The following MYOM1 variants were observed in gnomAD, a reference collection of about 807,000 sequenced individuals.
MYOM1 encodes myomesin-1.
Under a neutral mutation model 205.3 loss-of-function variants are expected in MYOM1, and 164 were observed. The observed-to-expected ratio is 0.80, with a 90% confidence interval of 0.70 to 0.91. The LOEUF (loss-of-function observed/expected upper bound fraction) is 0.91, where lower values mean the gene tolerates loss of function less well. Ranked by LOEUF, MYOM1 falls within the 40% of genes least tolerant of loss-of-function variation. The pLI is 0.00. For synonymous variants in MYOM1, 772 were observed against 789.4 expected (o/e 0.98, Z 0.37); for missense variants, 2,011 against 2,127.3 (o/e 0.95, Z 1.08).
intron 23 of MYOM1, among the ~76,000 whole-genome samples, chr18:3,101,711 G>A (rs112594465): frequency 8.5e-4 from 129 of 152,198 alleles, no homozygotes; most frequent in African/African-American, 2.9e-3. Context: ...GTTACTTTAA[G>A]ATTTCAAAAT....
chr18:3,165,449 T>A (rs1016032706), intron 9 of MYOM1, among the ~76,000 whole-genome samples: 26 of 151,920 alleles, frequency 1.7e-4, no homozygotes, highest in African/African-American at 5.6e-4. Flanking sequence ...GTCTTCCTTG[T>A]TAATAATAGG....
intron 18 of MYOM1, among the ~76,000 whole-genome samples, chr18:3,128,346 C>G (rs2079824888): frequency 6.6e-6 from 1 of 152,122 alleles, no homozygotes; most frequent in Non-Finnish European, 1.5e-5. Context: ...GAAAAAAGAA[C>G]TGGATGAGAG....
At chr18:3,194,909 T>TAA (rs5822742) in intron 2 of MYOM1, among the ~76,000 whole-genome samples, 11,179 of 147,244 alleles carry the variant, frequency 0.076, 543 homozygotes, top group African/African-American at 0.13. Flanking sequence ...AAACTATTCT[T>TAA]AAAAAAAAAA....
At position 3,071,864 on chromosome 18, in the gene MYOM1, G is replaced by A; in HGVS notation, c.4734C>T (p.Leu1578=). ...CCTCCTGGATGGTGACCACGTCTGG[G>A]AGACCTCCCAACACCCGGGCACGAT... ...EKNRARVLGG[L]PDVVTIQEGK... Residue 1578 remains leucine (L), a synonymous_variant, in exon 37 of 38, where the codon CTC becomes CTT. Coordinates refer to ENST00000356443, the MANE Select transcript of MYOM1 (RefSeq NM_003803.4). 2 of 1,605,716 alleles carry A rather than the reference G, an allele frequency of 1.2e-6. No individual in the cohort carries two copies. The highest frequency in any genetic ancestry group is 1.7e-6 in the Non-Finnish European group (2 of 1,176,134).
At chr18:3,093,883 A>T (rs1163810738) in intron 26 of MYOM1, among the ~76,000 whole-genome samples, 1 of 152,108 alleles carries the variant, frequency 6.6e-6, no homozygotes, top group Non-Finnish European at 1.5e-5. Context: ...GCCTCCCAGG[A>T]GAGCCTCTCT....
chr18:3,150,979 C>CTTTT (rs1164882266), intron 12 of MYOM1, among the ~76,000 whole-genome samples: 2 of 55,916 alleles, frequency 3.6e-5, no homozygotes, highest in African/African-American at 7.2e-5. Flanking sequence ...CCATGCCTGG[C>CTTTT]TTTTTTTTTT....
Position 3,135,130 on chromosome 18 carries a change from A to G in MYOM1, c.2210-306T>C, listed in dbSNP as rs940821301. 2.1e-5 allele frequency: 7 copies of G among 340,152 alleles called. No individual in the cohort carries two copies. The highest frequency in any genetic ancestry group is 4.1e-5 in the Admixed American group (1 of 24,384). 21.1% of individuals were successfully genotyped at this position (340,152 alleles called of 1,614,324 possible). A position where few individuals can be genotyped will look rare whatever the true frequency, so the allele number is the denominator to read the frequency against. On this transcript the variant is annotated intron_variant, in intron 15 of 37. Coordinates refer to ENST00000356443, the MANE Select transcript of MYOM1 (RefSeq NM_003803.4). The surrounding 1 kb of genome is among the most constrained non-coding windows in gnomAD (Gnocchi z 4.1). Reference sequence around the variant, plus strand: ...ACGCCTGGCTAATTTTTGTGTTTTCAGTAGAGATGGGGTTTCACCATGTTG... The same window carrying G: ...ACGCCTGGCTAATTTTTGTGTTTTCGGTAGAGATGGGGTTTCACCATGTTG...
At chr18:3,095,360 G>T (rs1193767408) in intron 25 of MYOM1, among the ~76,000 whole-genome samples, 2 of 152,144 alleles carry the variant, frequency 1.3e-5, no homozygotes, top group African/African-American at 4.8e-5. Context: ...CTTGAGGTCA[G>T]AAGTTCGAGA....
At chr18:3,163,806 C>T (rs2080429619) in intron 10 of MYOM1, among the ~76,000 whole-genome samples, 1 of 151,210 alleles carries the variant, frequency 6.6e-6, no homozygotes, top group South Asian at 2.1e-4. Flanking sequence ...GCAAGAATTT[C>T]CTTTTTCTTT....
At chr18:3,074,771 T>C (rs1369833337) in intron 36 of MYOM1, among the ~76,000 whole-genome samples, 2 of 152,220 alleles carry the variant, frequency 1.3e-5, no homozygotes, top group African/African-American at 2.4e-5. Context: ...GTGAATTACT[T>C]GATATCAAAT....
intron 37 of MYOM1, among the ~76,000 whole-genome samples, chr18:3,071,410 G>A (rs1041387390): frequency 2.6e-5 from 4 of 152,130 alleles, no homozygotes; most frequent in Admixed American, 6.5e-5. Context: ...CTGGGCTGGA[G>A]TGCAGTGGCA....
At chr18:3,197,916 C>G (rs74253189) in intron 2 of MYOM1, among the ~76,000 whole-genome samples, 1 of 152,070 alleles carries the variant, frequency 6.6e-6, no homozygotes, top group Non-Finnish European at 1.5e-5. Flanking sequence ...CTATTTCGTT[C>G]TATACTCCAA....
Position 3,133,209 on chromosome 18 carries a change from A to G in MYOM1, c.2384+1441T>C, listed in dbSNP as rs974952032. On this transcript the variant is annotated intron_variant, in intron 16 of 37. Transcript: ENST00000356443. ...CCAACAGGCTAAATGAATCTCTTGC[A>G]AAACATATTGCCTTCCCTAATTAAT... Among the ~76,000 whole-genome samples the G allele has an allele frequency of 2.6e-5, 4 of 152,172 alleles. No homozygotes were observed. In the East Asian group the frequency reaches 7.7e-4, roughly 29 times the overall value.
chr18:3,120,605 G>A (rs544794324), intron 19 of MYOM1, among the ~76,000 whole-genome samples: 1 of 152,300 alleles, frequency 6.6e-6, no homozygotes, highest in African/African-American at 2.4e-5. Flanking sequence ...CTGCAACGCC[G>A]TGCGCAGACC....
intron 23 of MYOM1, among the ~76,000 whole-genome samples, chr18:3,101,588 T>C (rs2079376691): frequency 6.6e-6 from 1 of 152,210 alleles, no homozygotes; most frequent in African/African-American, 2.4e-5. Flanking sequence ...CATGTACTAT[T>C]GTGTCACGCA....
At chr18:3,072,333 T>A (rs922019881) in intron 36 of MYOM1, among the ~76,000 whole-genome samples, 1 of 131,050 alleles carries the variant, frequency 7.6e-6, no homozygotes, top group African/African-American at 3.0e-5. Flanking sequence ...ACAGCAGGCG[T>A]GAGCCACCGC....
intron 33 of MYOM1, among the ~76,000 whole-genome samples, chr18:3,082,016 T>C (rs949735139): frequency 8.5e-5 from 13 of 152,148 alleles, no homozygotes; most frequent in Admixed American, 8.5e-4. Flanking sequence ...TGGGGATGAC[T>C]CAAGCACATA....
chr18:3,132,417 T>G (rs2079891615), intron 16 of MYOM1, among the ~76,000 whole-genome samples: 1 of 152,128 alleles, frequency 6.6e-6, no homozygotes, highest in African/African-American at 2.4e-5. Flanking sequence ...CCCAAAGTTC[T>G]GGGATTACAG....
At chr18:3,243,567 A>T in the MYOM1 span, among the ~76,000 whole-genome samples, 1 of 152,214 alleles carries the variant, frequency 6.6e-6, no homozygotes, top group South Asian at 2.1e-4. Context: ...ACAATTGACC[A>T]GTTACCATGT....
Sources: allele counts gnomAD v4.1 joint callset (sites outside exome capture counted in the v4.1 genomes callset), GRCh38; gene constraint gnomAD v4.1.1; non-coding constraint Gnocchi (gnomAD v3.1); transcripts MANE v1.5; gene names NCBI Gene and HGNC (gene_info 2026-07-23, HGNC 2026-07-21).